Variants in SLC22A4 observed in about 807,000 individuals in gnomAD.
SLC22A4 encodes solute carrier family 22 member 4, also known as ET transporter.
Under a neutral mutation model 56.6 loss-of-function variants are expected in SLC22A4, and 39 were observed. The observed-to-expected ratio is 0.69, with a 90% CI of 0.53 to 0.90. The LOEUF (loss-of-function observed/expected upper bound fraction) is 0.90, where lower values mean the gene tolerates loss of function less well. Among genes scored for constraint, SLC22A4 ranks in the 40% least tolerant of loss-of-function variants. The probability of loss-of-function intolerance (pLI) is 0.00; values close to 1 mark genes in which losing one functional copy is unlikely to be tolerated. For synonymous variants in SLC22A4, 241 were observed against 281.4 expected (o/e 0.86, Z 1.44); for missense variants, 594 against 696.5 (o/e 0.85, Z 1.66).
In SLC22A4 at chr5:132,294,631, C is replaced by T; in HGVS notation, c.15C>T (p.Asp5=). MRDY[D]EVIAFLGEWG... The stretch of plus-strand genomic sequence containing the variant: ...CAGTGGGAAGCATGCGGGACTACGA[C>T]GAGGTGATCGCCTTCCTGGGCGAGT... Residue 5 remains aspartate, a synonymous_variant, in exon 1 of 10, where the codon GAC becomes GAT. Transcript: ENST00000200652. This position sits in a 1 kb window ranked among gnomAD's most constrained non-coding sequence, Gnocchi z 5.6. 1 of 1,614,154 alleles carries T rather than the reference C, an allele frequency of 6.2e-7. No homozygotes were observed. The highest frequency in any genetic ancestry group is 8.5e-7 in the Non-Finnish European group (1 of 1,180,020).
chr5:132,303,224 G>T lies in SLC22A4; in HGVS notation c.393+8215G>T, dbSNP rs890592883. On this transcript the variant is annotated intron_variant, in intron 1 of 9. Coordinates refer to ENST00000200652, the MANE Select transcript of SLC22A4 (RefSeq NM_003059.3). The stretch of plus-strand genomic sequence containing the variant: ...GCACATGAAAAGATTCTGAGACTTC[G>T]AAGTTAGCAGTGTGAGGAGCGCCAG... Among the ~76,000 whole-genome samples, 5 of 152,186 alleles carry T rather than the reference G, an allele frequency of 3.3e-5. No individual in the cohort carries two copies. In the South Asian group the frequency reaches 1.0e-3, roughly 32 times the overall value.
intron 4 of SLC22A4, among the ~76,000 whole-genome samples, chr5:132,325,135 TG>T (rs1056891717): frequency 1.3e-5 from 2 of 152,156 alleles, no homozygotes; most frequent in Non-Finnish European, 2.9e-5. Flanking sequence ...ATTAAGAATC[TG>T]AGGCCAGTGG....
chr5:132,315,872 G>A (rs3828673), intron 3 of SLC22A4, among the ~76,000 whole-genome samples: 11,670 of 152,190 alleles, frequency 0.077, 574 homozygotes, highest in East Asian at 0.27. Flanking sequence ...GTTGTGTTGG[G>A]TTCTCAGGTC....
chr5:132,294,815 GT>G lies in SLC22A4; in HGVS notation c.200del (p.Val67AlafsTer63), dbSNP rs1561531517. On this transcript the variant is annotated frameshift_variant, in exon 1 of 10. Transcript: ENST00000200652. LOFTEE classifies it high-confidence loss of function. This position sits in a 1 kb window ranked among gnomAD's most constrained non-coding sequence, Gnocchi z 5.6. Reference protein sequence around the residue: ...NLSSAWRNNSVPLRLRDGREV... With the variant: ...NLSSAWRNNSXPLRLRDGREV... ...GAGCAGCGCCTGGCGCAACAACAGT[GT>G]CCCGCTGCGGCTGCGGGACGGCCGC... 1 of 1,611,906 alleles carries G rather than the reference GT, an allele frequency of 6.2e-7. No individual in the cohort carries two copies. The highest frequency in any genetic ancestry group is 1.7e-5 in the Admixed American group (1 of 59,958).
intron 3 of SLC22A4, among the ~76,000 whole-genome samples, chr5:132,319,392 T>C (rs1364270831): frequency 6.6e-6 from 1 of 152,096 alleles, no homozygotes; most frequent in Admixed American, 6.5e-5. Context: ...TCTACTGGAC[T>C]CTCAGTTGAA....
chr5:132,323,239 T>A (rs922250806), intron 4 of SLC22A4, among the ~76,000 whole-genome samples: 1 of 152,218 alleles, frequency 6.6e-6, no homozygotes, highest in East Asian at 1.9e-4. Context: ...TGCTTACACA[T>A]AACACAAGCT....
At chr5:132,301,018 C>A (rs530556781) in intron 1 of SLC22A4, among the ~76,000 whole-genome samples, 1 of 152,330 alleles carries the variant, frequency 6.6e-6, no homozygotes, top group South Asian at 2.1e-4. Context: ...AGAGGCCCTG[C>A]GTGTGAGGAA....
At chr5:132,306,236 C>A (rs975438059) in intron 1 of SLC22A4, among the ~76,000 whole-genome samples, 10 of 151,128 alleles carry the variant, frequency 6.6e-5, no homozygotes, top group East Asian at 1.9e-4. Context: ...TATGTATATA[C>A]CCCAAAGAAA....
At chr5:132,318,069 C>T (rs1750414243) in intron 3 of SLC22A4, among the ~76,000 whole-genome samples, 1 of 152,196 alleles carries the variant, frequency 6.6e-6, no homozygotes, top group Admixed American at 6.5e-5. Context: ...GAGTGGGGCA[C>T]ATATTGCTGG....
intron 9 of SLC22A4, among the ~76,000 whole-genome samples, chr5:132,342,221 G>C (rs1287454426): frequency 2.6e-5 from 4 of 151,940 alleles, no homozygotes; most frequent in Non-Finnish European, 5.9e-5. Context: ...CTAAACATAA[G>C]GCTAATATAC....
In SLC22A4 at chr5:132,314,985, G is replaced by A. The variant is rs4646196; in HGVS notation, c.652+1217G>A. On this transcript the variant is annotated intron_variant, in intron 3 of 9. Coordinates refer to ENST00000200652, the MANE Select transcript of SLC22A4 (RefSeq NM_003059.3). ...GCTGCTCCCCTTCCTGCAGGGGGAA[G>A]GAGCGGGGCAAGATTTTCTTGAAGA... 4.0e-4 allele frequency among the ~76,000 whole-genome samples: 61 copies of A among 152,292 alleles called. 1 individual carries two copies. In the East Asian group the frequency reaches 0.011, roughly 27 times the overall value.
At chr5:132,339,355 G>A (rs1169971384) in intron 8 of SLC22A4, among the ~76,000 whole-genome samples, 1 of 151,922 alleles carries the variant, frequency 6.6e-6, no homozygotes, top group East Asian at 1.9e-4. Flanking sequence ...TGTTTCAGCG[G>A]CATGTTCAAT....
At chr5:132,314,640 A>G (rs1212035117) in intron 3 of SLC22A4, among the ~76,000 whole-genome samples, 1 of 152,182 alleles carries the variant, frequency 6.6e-6, no homozygotes, top group Non-Finnish European at 1.5e-5. Flanking sequence ...TACTCCTTTA[A>G]TAGAAGTCTA....
intron 8 of SLC22A4, among the ~76,000 whole-genome samples, chr5:132,337,053 C>T (rs1176802376): frequency 3.9e-5 from 6 of 152,104 alleles, no homozygotes; most frequent in African/African-American, 7.2e-5. Context: ...AACATTACAA[C>T]GAACATTCTC....
intron 3 of SLC22A4, among the ~76,000 whole-genome samples, chr5:132,319,463 T>C (rs762221843): frequency 4.6e-5 from 7 of 152,212 alleles, no homozygotes; most frequent in Non-Finnish European, 5.9e-5. Context: ...GGTAGACCAG[T>C]ATCCATAGAG....
intron 8 of SLC22A4, among the ~76,000 whole-genome samples, chr5:132,339,738 A>G (rs960595830): frequency 1.3e-5 from 2 of 152,166 alleles, no homozygotes; most frequent in Non-Finnish European, 2.9e-5. Flanking sequence ...GGAGTCCAAG[A>G]GTCTCCTACT....
chr5:132,305,347 A>G (rs979491291), intron 1 of SLC22A4, among the ~76,000 whole-genome samples: 1 of 152,180 alleles, frequency 6.6e-6, no homozygotes, highest in Admixed American at 6.5e-5. Context: ...GGAGAGAGAG[A>G]GAAAAGGGCA....
intron 6 of SLC22A4, chr5:132,332,438 C>T (rs1333011104): frequency 6.5e-6 from 1 of 155,032 alleles, no homozygotes; most frequent in Non-Finnish European, 1.4e-5. Context: ...TAATGGTTCC[C>T]TCCCCACCAA....
chr5:132,313,410 G>A (rs1036020278), intron 2 of SLC22A4, among the ~76,000 whole-genome samples: 3 of 152,194 alleles, frequency 2.0e-5, no homozygotes, highest in South Asian at 2.1e-4. Context: ...GTCTCCACAG[G>A]AAGCTGAGAA....
Sources: allele counts gnomAD v4.1 joint callset (sites outside exome capture counted in the v4.1 genomes callset), GRCh38; gene constraint gnomAD v4.1.1; non-coding constraint Gnocchi (gnomAD v3.1); transcripts MANE v1.5; gene names NCBI Gene and HGNC (gene_info 2026-07-23, HGNC 2026-07-21).